The following CSMD3 variants were observed in gnomAD, a reference collection of about 807,000 sequenced individuals.
CSMD3 encodes CUB and sushi domain-containing protein 3.
CSMD3 carries 177 observed loss-of-function variants against 435.2 expected under a neutral mutation model. That is an observed-to-expected ratio of 0.41 (90% CI 0.36 to 0.46). CSMD3 has a LOEUF of 0.46. Among genes scored for constraint, CSMD3 ranks in the 20% least tolerant of loss-of-function variants. CSMD3 has a pLI of 0.34. For synonymous variants in CSMD3, 1,656 were observed against 1,520.5 expected (o/e 1.09, Z -2.07); for missense variants, 4,265 against 4,504.6 (o/e 0.95, Z 1.52).
At chr8:113,314,243 G>T (rs184245441) in intron 2 of CSMD3, 156 of 282,390 alleles carry the variant, frequency 5.5e-4, no homozygotes, top group African/African-American at 3.2e-3. Flanking sequence ...TATATAGTAT[G>T]TTTTACTTTA....
intron 32 of CSMD3, among the ~76,000 whole-genome samples, chr8:112,453,819 A>T (rs1816544474): frequency 6.6e-6 from 1 of 152,186 alleles, no homozygotes; most frequent in South Asian, 2.1e-4. Flanking sequence ...TCCTAAGCAA[A>T]AAACAACAAA....
intron 36 of CSMD3, among the ~76,000 whole-genome samples, chr8:112,383,892 T>C (rs191584739): frequency 6.6e-6 from 1 of 152,336 alleles, no homozygotes; most frequent in African/African-American, 2.4e-5. Context: ...TCATTGTGGG[T>C]ATAACCAGAG....
chr8:113,088,976 T>A (rs2089908154), intron 5 of CSMD3, among the ~76,000 whole-genome samples: 1 of 152,114 alleles, frequency 6.6e-6, no homozygotes, highest in Non-Finnish European at 1.5e-5. Context: ...ATTAAACACA[T>A]ATTTTTCTTC....
At chr8:112,855,629 G>C (rs970309171) in intron 11 of CSMD3, among the ~76,000 whole-genome samples, 1 of 151,932 alleles carries the variant, frequency 6.6e-6, no homozygotes, top group Non-Finnish European at 1.5e-5. Context: ...ATAGATGAAT[G>C]ACAATTAGAT....
At chr8:112,939,820 A>C (rs2083395382) in intron 9 of CSMD3, among the ~76,000 whole-genome samples, 1 of 151,970 alleles carries the variant, frequency 6.6e-6, no homozygotes, top group Non-Finnish European at 1.5e-5. Context: ...TAGATTCAAT[A>C]AAAGAGTGAA....
chr8:113,351,494 T>C (rs918096029), intron 1 of CSMD3, among the ~76,000 whole-genome samples: 3 of 151,988 alleles, frequency 2.0e-5, no homozygotes, highest in Non-Finnish European at 4.4e-5. Flanking sequence ...TCATGATAGC[T>C]TTTAAAGTAT....
chr8:113,426,764 C>T (rs1260240367), intron 1 of CSMD3, among the ~76,000 whole-genome samples: 1 of 151,366 alleles, frequency 6.6e-6, no homozygotes, highest in Non-Finnish European at 1.5e-5. Context: ...CAATTGGATG[C>T]ATTCTAAAAT....
chr8:112,676,593 T>C (rs2131750320), intron 16 of CSMD3, among the ~76,000 whole-genome samples: 1 of 152,258 alleles, frequency 6.6e-6, no homozygotes, highest in South Asian at 2.1e-4. Context: ...ATCTTTCATT[T>C]TTGGTCTGCA....
At chr8:112,634,710 A>C (rs193000421) in intron 22 of CSMD3, among the ~76,000 whole-genome samples, 1 of 152,158 alleles carries the variant, frequency 6.6e-6, no homozygotes, top group Admixed American at 6.6e-5. Flanking sequence ...AAAATATATC[A>C]TAAATATAAA....
Position 112,636,974 on chromosome 8 carries a change from G to C in CSMD3, c.3558C>G (p.Gly1186=). The change falls in exon 22 of 71, where the codon GGC becomes GGG. Residue 1186 remains glycine, a synonymous_variant. Transcript: ENST00000297405. ...CGATTCGACTACCATATTGAGGAAT[G>C]CCAGGATCTTCACAAGGTTCAAGGT... ...EYNLEPCEDP[G]IPQYGSRIGF... 6.2e-7 allele frequency: 1 copy of C among 1,613,650 alleles called. No homozygotes were observed. Among genetic ancestry groups the C allele is most frequent in the African/African-American group, 1.3e-5 (1 of 74,966 alleles).
At chr8:112,458,215 C>CTCACACACACACACACACACACACA in intron 32 of CSMD3, among the ~76,000 whole-genome samples, 1 of 150,690 alleles carries the variant, frequency 6.6e-6, no homozygotes, top group South Asian at 2.1e-4. Flanking sequence ...ACACTCACAC[C>CTCACACACACACACACACACACACA]CACACACACA....
At chr8:113,065,168 T>A (rs1247822177) in intron 5 of CSMD3, among the ~76,000 whole-genome samples, 2 of 152,178 alleles carry the variant, frequency 1.3e-5, no homozygotes, top group African/African-American at 4.8e-5. Context: ...CTAACCTATA[T>A]TATTTTGCAA....
intron 5 of CSMD3, among the ~76,000 whole-genome samples, chr8:113,025,723 G>A (rs1004140573): frequency 1.4e-4 from 22 of 152,250 alleles, no homozygotes; most frequent in African/African-American, 4.6e-4. Context: ...GCACACATGG[G>A]TGTGATAGGT....
intron 1 of CSMD3, among the ~76,000 whole-genome samples, chr8:113,415,876 CAT>C (rs2094579856): frequency 6.6e-6 from 1 of 151,972 alleles, no homozygotes; most frequent in African/African-American, 2.4e-5. Context: ...TGCCAAATAA[CAT>C]AATCAAATCA....
chr8:112,844,699 T>C (rs2080269230), intron 11 of CSMD3, among the ~76,000 whole-genome samples: 1 of 151,926 alleles, frequency 6.6e-6, no homozygotes, highest in South Asian at 2.1e-4. Flanking sequence ...CCATTAGTCT[T>C]GGACCAGATA....
chr8:113,312,110 G>A (rs1458745616), intron 2 of CSMD3: 1 of 152,032 alleles, frequency 6.6e-6, no homozygotes, highest in Non-Finnish European at 1.5e-5. Flanking sequence ...TGGAGATTGT[G>A]TCTAACTACA....
intron 27 of CSMD3, among the ~76,000 whole-genome samples, chr8:112,547,745 C>T (rs1250672551): frequency 6.6e-6 from 1 of 151,756 alleles, no homozygotes; most frequent in Non-Finnish European, 1.5e-5. Context: ...GGGAGCAGAA[C>T]TAACACTAAA....
intron 27 of CSMD3, among the ~76,000 whole-genome samples, chr8:112,545,626 A>T (rs1170495390): frequency 6.6e-6 from 1 of 151,858 alleles, no homozygotes; most frequent in Non-Finnish European, 1.5e-5. Context: ...TATCCTTGAA[A>T]GGTAAGTGTT....
rs369245973 is a variant in CSMD3, at chr8:112,750,720, G to T, written c.1972+49442C>A. Among the ~76,000 whole-genome samples the T allele has an allele frequency of 2.7e-4, 41 of 152,150 alleles. 1 individual carries two copies. In the South Asian group the frequency reaches 8.3e-3, roughly 31 times the overall value. Reference sequence around the variant, plus strand: ...AGGAGACATGATCAGAAAGATGACAGAGTTCAGATCATACAGTGTTAAAAC... The same window carrying T: ...AGGAGACATGATCAGAAAGATGACATAGTTCAGATCATACAGTGTTAAAAC... On this transcript the variant is annotated intron_variant, in intron 13 of 70. Transcript: ENST00000297405.
Sources: gnomAD v4.1 joint callset for allele counts (sites outside exome capture counted in the v4.1 genomes callset) on GRCh38, gnomAD v4.1.1 for gene constraint, MANE v1.5 for transcripts, NCBI Gene and HGNC (gene_info 2026-07-23, HGNC 2026-07-21) for gene names.